The following CNTNAP4 variants were observed in gnomAD, a reference collection of about 807,000 sequenced individuals.
CNTNAP4 encodes the protein contactin-associated protein-like 4.
Under a neutral mutation model 148.4 loss-of-function variants are expected in CNTNAP4, and 98 were observed. That is an observed-to-expected ratio of 0.66 (90% CI 0.56 to 0.78). The LOEUF (loss-of-function observed/expected upper bound fraction) is 0.78, where lower values mean the gene tolerates loss of function less well. Among genes scored for constraint, CNTNAP4 ranks in the 30% least tolerant of loss-of-function variants. CNTNAP4 has a pLI of 0.00. For missense variants in CNTNAP4, 1,935 were observed against 1,565.6 expected (o/e 1.24, Z -3.98); for synonymous variants, 730 against 565.1 (o/e 1.29, Z -4.14).
At chr16:76,434,899 T>G (rs1457514577) in intron 4 of CNTNAP4, among the ~76,000 whole-genome samples, 1 of 152,166 alleles carries the variant, frequency 6.6e-6, no homozygotes, top group Non-Finnish European at 1.5e-5. Flanking sequence ...ATTAATCACC[T>G]GACCTCCATA....
chr16:76,447,492 A>G (rs143952282), intron 4 of CNTNAP4, among the ~76,000 whole-genome samples: 7 of 152,148 alleles, frequency 4.6e-5, no homozygotes, highest in Non-Finnish European at 1.5e-5. Context: ...TGGTGGTCAT[A>G]TTTTCCCTTA....
At chr16:76,513,229 G>A (rs969801962) in intron 15 of CNTNAP4, among the ~76,000 whole-genome samples, 3 of 152,184 alleles carry the variant, frequency 2.0e-5, no homozygotes, top group Non-Finnish European at 4.4e-5. Flanking sequence ...GGTGGTGGGT[G>A]CTTAGAGGAG....
intron 17 of CNTNAP4, among the ~76,000 whole-genome samples, chr16:76,530,986 G>A (rs2083960313): frequency 6.6e-6 from 1 of 152,124 alleles, no homozygotes; most frequent in Non-Finnish European, 1.5e-5. Context: ...TCACTATTCT[G>A]CCCCAAGTTA....
intron 1 of CNTNAP4, among the ~76,000 whole-genome samples, chr16:76,307,684 T>C (rs1037287189): frequency 3.3e-5 from 5 of 151,922 alleles, no homozygotes; most frequent in African/African-American, 1.2e-4. Flanking sequence ...TCTGATGCTC[T>C]CTTTACTTTC....
chr16:76,457,999 C>T lies in CNTNAP4; in HGVS notation c.1334-3957C>T, dbSNP rs148508886. 1.1e-3 allele frequency among the ~76,000 whole-genome samples: 166 copies of T among 152,176 alleles called. 2 individuals carry two copies. In the East Asian group the frequency reaches 0.028, roughly 25 times the overall value. ...TGCCTGTTTTTCCCATCTGTATGAC[C>T]ATGTGTACCCAGTGATTAGCTCCCA... On this transcript the variant is annotated intron_variant, in intron 8 of 23. Transcript: ENST00000611870.
At chr16:76,528,440 A>AT (rs960348687) in intron 17 of CNTNAP4, among the ~76,000 whole-genome samples, 2 of 152,014 alleles carry the variant, frequency 1.3e-5, no homozygotes, top group South Asian at 2.1e-4. Context: ...TATTTTTTGT[A>AT]TTTTTTGTAG....
rs1158771182 is a variant in CNTNAP4, at chr16:76,535,837, A to C, written c.2995+53A>C. 1.4e-5 allele frequency: 22 copies of C among 1,549,134 alleles called. No homozygotes were observed. In the East Asian group the frequency reaches 4.9e-4, roughly 35 times the overall value. On this transcript the variant is annotated intron_variant, in intron 18 of 23. Coordinates refer to ENST00000611870, the MANE Select transcript of CNTNAP4 (RefSeq NM_033401.5). ...GGAAAATTTATTCAATGTGGATTAA[A>C]TGTCTGGCAGTTCTTTTCTATGCAG...
In CNTNAP4 at chr16:76,305,582, C is replaced by T. The variant is rs565049743; in HGVS notation, c.86-10831C>T. On this transcript the variant is annotated intron_variant, in intron 1 of 23. Coordinates refer to ENST00000611870, the MANE Select transcript of CNTNAP4 (RefSeq NM_033401.5). The stretch of plus-strand genomic sequence containing the variant: ...TTTAGCTATTACTGAGAACTGGGGC[C>T]GACCTGACCATGGGAAGTGGGTTTA... Among the ~76,000 whole-genome samples, 10 of 152,188 alleles carry T rather than the reference C, an allele frequency of 6.6e-5. No homozygotes were observed. In the South Asian group the frequency reaches 1.2e-3, roughly 19 times the overall value.
chr16:76,341,754 G>T (rs889089787), intron 2 of CNTNAP4, among the ~76,000 whole-genome samples: 8 of 152,250 alleles, frequency 5.3e-5, no homozygotes, highest in Non-Finnish European at 1.2e-4. Flanking sequence ...AAAAATCATT[G>T]TAGCCACAAG....
intron 12 of CNTNAP4, among the ~76,000 whole-genome samples, chr16:76,482,928 A>T (rs1488308801): frequency 6.6e-6 from 1 of 152,178 alleles, no homozygotes; most frequent in African/African-American, 2.4e-5. Context: ...TGCACTGGCA[A>T]CTCTGGTATG....
intron 3 of CNTNAP4, among the ~76,000 whole-genome samples, chr16:76,376,953 G>A (rs1006843886): frequency 2.9e-5 from 4 of 137,928 alleles, no homozygotes; most frequent in African/African-American, 5.5e-5. Flanking sequence ...GTGTGTGTGT[G>A]TACACATATA....
At chr16:76,308,947 T>C (rs1960792233) in intron 1 of CNTNAP4, among the ~76,000 whole-genome samples, 1 of 151,742 alleles carries the variant, frequency 6.6e-6, no homozygotes, top group East Asian at 1.9e-4. Context: ...GCCTCAGCCG[T>C]CTGAGTAGCT....
intron 1 of CNTNAP4, among the ~76,000 whole-genome samples, chr16:76,297,228 C>A (rs1959407042): frequency 6.6e-6 from 1 of 152,128 alleles, no homozygotes; most frequent in Non-Finnish European, 1.5e-5. Context: ...TAGATTTCAT[C>A]ATTTCTAAAA....
chr16:76,504,681 A>G (rs1017694862), intron 15 of CNTNAP4, among the ~76,000 whole-genome samples: 1 of 152,186 alleles, frequency 6.6e-6, no homozygotes, highest in African/African-American at 2.4e-5. Context: ...AAGAAAAGCT[A>G]CAGACTGGGT....
At chr16:76,470,590 C>A (rs2081333896) in intron 10 of CNTNAP4, among the ~76,000 whole-genome samples, 1 of 150,288 alleles carries the variant, frequency 6.7e-6, no homozygotes, top group Non-Finnish European at 1.5e-5. Flanking sequence ...ACGAAGGTTG[C>A]AGTGAGCCAA....
chr16:76,356,697 A>G (rs1240399662), intron 3 of CNTNAP4, among the ~76,000 whole-genome samples: 2 of 152,196 alleles, frequency 1.3e-5, no homozygotes, highest in Non-Finnish European at 2.9e-5. Context: ...TTACTTAATG[A>G]AGCGTCATTC....
rs1168748643 is a variant in CNTNAP4 at position 76,449,786 on chromosome 16, A to G, written c.999A>G (p.Leu333=). ...SFPHRNFHGC[L]ENLYYNGVDI... is the part of the protein sequence containing the mutation. ...CACATAGAAATTTTCATGGATGTTT[A>G]GAAAATCTCTATTATAATGGAGTGG... is the stretch of plus-strand genomic sequence containing the variant. The change falls in exon 7 of 24, where the codon TTA becomes TTG. Residue 333 remains leucine, a synonymous_variant. Transcript: ENST00000611870. 1.9e-6 allele frequency: 3 copies of G among 1,600,542 alleles called. No individual in the cohort carries two copies. Among genetic ancestry groups the G allele is most frequent in the Non-Finnish European group, 2.6e-6 (3 of 1,172,916 alleles).
In CNTNAP4 at chr16:76,398,311, A is replaced by G. The variant is rs973560746; in HGVS notation, c.391-29141A>G. On this transcript the variant is annotated intron_variant, in intron 3 of 23. Transcript: ENST00000611870. ...ATCTCCTTTGGCAACACCCTCTCAG[A>G]CACACCCAAAGGCAATACTTTGCAT... 2.6e-5 allele frequency among the ~76,000 whole-genome samples: 4 copies of G among 151,996 alleles called. No individual in the cohort carries two copies. In the East Asian group the frequency reaches 7.8e-4, roughly 30 times the overall value.
At chr16:76,518,728 T>C (rs2083346048) in intron 15 of CNTNAP4, among the ~76,000 whole-genome samples, 1 of 152,164 alleles carries the variant, frequency 6.6e-6, no homozygotes, top group Admixed American at 6.5e-5. Context: ...CTAGCTATTT[T>C]GAAATACAAA....
Sources: allele counts gnomAD v4.1 joint callset (sites outside exome capture counted in the v4.1 genomes callset), GRCh38; gene constraint gnomAD v4.1.1; transcripts MANE v1.5; gene names NCBI Gene and HGNC (gene_info 2026-07-23, HGNC 2026-07-21).